Variants in AZIN1 observed in about 807,000 individuals in gnomAD.
AZIN1 encodes the protein antizyme inhibitor 1.
In AZIN1, 12 loss-of-function variants were observed where a neutral mutation model predicts 47.4. That is an observed-to-expected ratio of 0.25 (90% CI 0.16 to 0.41). The LOEUF (loss-of-function observed/expected upper bound fraction) is 0.41. AZIN1 is among the 10% of genes least tolerant of loss of function. The pLI, the probability that AZIN1 is intolerant of heterozygous loss-of-function variation, is 1.00. For synonymous variants in AZIN1, 155 were observed against 176.3 expected (o/e 0.88, Z 0.96); for missense variants, 410 against 532.4 (o/e 0.77, Z 2.26).
At position 102,833,200 on chromosome 8, in the gene AZIN1, G is replaced by T; in HGVS notation, c.760C>A (p.Pro254Thr). The change falls in exon 9 of 12, where the codon CCT becomes ACT. Residue 254 changes from proline (P) to threonine (T), a missense_variant. Physicochemically the swap from Pro to Thr is conservative, Grantham distance 38. Transcript: ENST00000337198. ...QLEEVNHVISPLLDIYFPEGS... is the reference protein window; with the variant it reads ...QLEEVNHVISTLLDIYFPEGS... ...TCAGGAAAGTAGATATCCAACAGAG[G>T]GCTGATAACATGATTAACCTATGGA... is the stretch of plus-strand genomic sequence containing the variant. The T allele has an allele frequency of 1.2e-6, 2 of 1,613,084 alleles. No homozygotes were observed. The highest frequency in any genetic ancestry group is 1.1e-5 in the South Asian group (1 of 90,918).
intron 5 of AZIN1, among the ~76,000 whole-genome samples, chr8:102,838,533 T>C (rs920744391): frequency 1.3e-5 from 2 of 152,222 alleles, no homozygotes; most frequent in African/African-American, 2.4e-5. Context: ...CAAACTGCTC[T>C]TATTTTTTTA....
At chr8:102,828,763 TATAACTAGTCTTCCAAAAACC>T (rs1266300146) in intron 11 of AZIN1, 85 bp from the exon 12 acceptor site, 2 of 795,350 alleles carry the variant, frequency 2.5e-6, no homozygotes, top group Non-Finnish European at 4.0e-6. Flanking sequence ...AAAACAGGAT[TATAACTAGTCTTCCAAAAACC>T]TTTAAAAGAT....
chr8:102,830,501 A>G (rs1420432656), intron 9 of AZIN1, among the ~76,000 whole-genome samples: 1 of 151,900 alleles, frequency 6.6e-6, no homozygotes, highest in Non-Finnish European at 1.5e-5. Flanking sequence ...AAGGAAAAAC[A>G]CTTTTTAGTT....
intron 9 of AZIN1, among the ~76,000 whole-genome samples, chr8:102,832,411 G>C (rs1811517457): frequency 6.6e-6 from 1 of 152,090 alleles, no homozygotes. Context: ...GGTTTGACTT[G>C]AGTTAGATTA....
chr8:102,829,237 A>T, intron 11 of AZIN1, 35 bp downstream of exon 11: 1 of 1,557,214 alleles, frequency 6.4e-7, no homozygotes, highest in Non-Finnish European at 8.8e-7. Flanking sequence ...GGACAGTTCA[A>T]ATATCCCATC....
intron 2 of AZIN1, among the ~76,000 whole-genome samples, chr8:102,852,556 G>A (rs1812979123): frequency 6.6e-6 from 1 of 151,998 alleles, no homozygotes; most frequent in Admixed American, 6.6e-5. Flanking sequence ...GGCAACAAAG[G>A]TGAAACTCCA....
chr8:102,850,610 G>C (rs980046875), intron 2 of AZIN1, among the ~76,000 whole-genome samples: 3 of 152,152 alleles, frequency 2.0e-5, no homozygotes, highest in African/African-American at 7.2e-5. Context: ...GTGATCATAA[G>C]ATCAGGTAAA....
intron 1 of AZIN1, among the ~76,000 whole-genome samples, chr8:102,861,683 T>C (rs1813662630): frequency 6.6e-6 from 1 of 151,944 alleles, no homozygotes; most frequent in South Asian, 2.1e-4. Flanking sequence ...AAAGAATGCA[T>C]ACTGTATGAT....
chr8:102,836,414 G>A (rs1262366591), intron 5 of AZIN1, 24 bp from the exon 6 acceptor site: 1 of 1,611,796 alleles, frequency 6.2e-7, no homozygotes, highest in South Asian at 1.1e-5. Flanking sequence ...AGATGATTGG[G>A]GCAGAGTTGG....
At position 102,829,230 on chromosome 8, in the gene AZIN1, C is replaced by G. The variant is rs116415719; in HGVS notation, c.1235+42G>C. ...AAACTTATTAGCAAGTCTAAAAGGA[C>G]AGTTCAAATATCCCATCTGCCTTAA... On this transcript the variant is annotated intron_variant, in intron 11 of 11. Coordinates refer to ENST00000337198, the MANE Select transcript of AZIN1 (RefSeq NM_148174.4). The G allele has an allele frequency of 2.0e-3, 3,058 of 1,514,400 alleles. 56 individuals are homozygous for G. The African/African-American group carries it at 0.036, about 18-fold the overall frequency. The allele number at this position is 1,514,400 out of a possible 1,614,324, so 93.8% of individuals were successfully genotyped here.
In AZIN1 at chr8:102,836,275, C is replaced by A; in HGVS notation, c.565G>T (p.Val189Phe). The change falls in exon 6 of 12, where the codon GTC becomes TTC. Residue 189 changes from valine (V) to phenylalanine (F), a missense_variant. Physicochemically the swap from Val to Phe is conservative, Grantham distance 50. Transcript: ENST00000337198. The stretch of plus-strand genomic sequence containing the variant: ...ACTCACTTAACCCCAATTATTTGGA[C>A]ATCAAGTTCCTTAGCACATTCCAAG... ...HLLECAKELD[V>F]QIIGVKFHVS... is the part of the protein sequence containing the mutation. 1 of 1,613,864 alleles carries A rather than the reference C, an allele frequency of 6.2e-7. No homozygotes were observed. Among genetic ancestry groups the A allele is most frequent in the Non-Finnish European group, 8.5e-7 (1 of 1,179,886 alleles).
chr8:102,844,875 CG>C (rs1415259190), intron 2 of AZIN1, among the ~76,000 whole-genome samples: 31 of 152,168 alleles, frequency 2.0e-4, no homozygotes, highest in Admixed American at 5.2e-4. Context: ...CCCACTCCCC[CG>C]GAGCACTCAT....
At chr8:102,842,470 C>T (rs1441431548) in intron 3 of AZIN1, among the ~76,000 whole-genome samples, 1 of 152,080 alleles carries the variant, frequency 6.6e-6, no homozygotes, top group Non-Finnish European at 1.5e-5. Flanking sequence ...CTTTGGGAGG[C>T]CAAGGTGGGC....
intron 3 of AZIN1, among the ~76,000 whole-genome samples, chr8:102,840,762 T>C (rs1812128033): frequency 6.6e-6 from 1 of 152,222 alleles, no homozygotes; most frequent in African/African-American, 2.4e-5. Flanking sequence ...TGAGAATCCA[T>C]GAAGACAATG....
chr8:102,852,594 A>AT (rs776706337), intron 2 of AZIN1, among the ~76,000 whole-genome samples: 14 of 152,064 alleles, frequency 9.2e-5, no homozygotes, highest in Middle Eastern at 3.4e-3. Flanking sequence ...TAAAAAAAAA[A>AT]TTTTTTAATA....
intron 2 of AZIN1, chr8:102,855,701 A>C (rs1813240225): frequency 6.6e-6 from 1 of 152,210 alleles, no homozygotes; most frequent in African/African-American, 2.4e-5. Flanking sequence ...ATTTCCATGA[A>C]GCTGTTTTAA....
In AZIN1 at chr8:102,843,674, C is replaced by G; in HGVS notation, c.-22G>C. ...TCATCTCAGCCGTATTCCACAAAGC[C>G]GAAAGTCATAAACCAGGAAAGACAA... On this transcript the variant is annotated 5_prime_UTR_variant, in exon 3 of 12. Transcript: ENST00000337198. The G allele has an allele frequency of 6.2e-7, 1 of 1,613,384 alleles. No homozygotes were observed. The highest frequency in any genetic ancestry group is 8.5e-7 in the Non-Finnish European group (1 of 1,179,738).
chr8:102,863,192 A>C (rs1278355805), intron 1 of AZIN1, among the ~76,000 whole-genome samples: 2 of 152,076 alleles, frequency 1.3e-5, no homozygotes, highest in Non-Finnish European at 2.9e-5. Context: ...AGTGGCGTCA[A>C]CTTTCCTCCA....
intron 5 of AZIN1, among the ~76,000 whole-genome samples, chr8:102,837,057 T>C (rs919753817): frequency 2.0e-5 from 3 of 152,062 alleles, no homozygotes; most frequent in African/African-American, 7.2e-5. Flanking sequence ...TAGCTGGAAA[T>C]ACAAGGGTGC....
Sources: allele counts gnomAD v4.1 joint callset (sites outside exome capture counted in the v4.1 genomes callset), GRCh38; gene constraint gnomAD v4.1.1; transcripts MANE v1.5; gene names NCBI Gene and HGNC (gene_info 2026-07-23, HGNC 2026-07-21).